The following ZPLD1 variants were observed in gnomAD, a reference collection of about 807,000 sequenced individuals.
The protein encoded by ZPLD1 is zona pellucida-like domain-containing protein 1.
Under a neutral mutation model 47.2 loss-of-function variants are expected in ZPLD1, and 34 were observed. The observed-to-expected ratio is 0.72, with a 90% CI of 0.55 to 0.96. The LOEUF (loss-of-function observed/expected upper bound fraction) is 0.96. Ranked by LOEUF, ZPLD1 falls within the 40% of genes least tolerant of loss-of-function variation. The probability of loss-of-function intolerance (pLI) is 0.00; values close to 1 mark genes in which losing one functional copy is unlikely to be tolerated. For synonymous variants in ZPLD1, 176 were observed against 186.2 expected, an observed-to-expected ratio of 0.95 and a Z score of 0.45; for missense variants, 512 against 505.8, an observed-to-expected ratio of 1.01 and a Z score of -0.12.
chr3:102,464,937 C>G (rs138915003), intron 8 of ZPLD1, among the ~76,000 whole-genome samples: 7 of 152,262 alleles, frequency 4.6e-5, no homozygotes, highest in African/African-American at 1.2e-4. Context: ...GCAATTGGCT[C>G]AGCTCACTGC....
intron 7 of ZPLD1, among the ~76,000 whole-genome samples, chr3:102,404,421 C>T (rs1384405261): frequency 1.3e-5 from 2 of 151,914 alleles, no homozygotes; most frequent in Non-Finnish European, 2.9e-5. Context: ...TCTGCCTTCA[C>T]CTAAACATTC....
At chr3:102,456,545 A>ATCTATC (rs1707417474) in intron 5 of ZPLD1, among the ~76,000 whole-genome samples, 171 bp downstream of exon 5, 117 of 147,144 alleles carry the variant, frequency 8.0e-4, no homozygotes, top group African/African-American at 2.8e-3. Flanking sequence ...TTTATCTATT[A>ATCTATC]TATCTATCTA....
intron 7 of ZPLD1, among the ~76,000 whole-genome samples, chr3:102,404,985 A>C (rs1441861571): frequency 6.6e-6 from 1 of 152,022 alleles, no homozygotes; most frequent in African/African-American, 2.4e-5. Flanking sequence ...AGTCCTTGAA[A>C]CAACAACATA....
intron 4 of ZPLD1, among the ~76,000 whole-genome samples, chr3:102,454,795 G>C (rs1195928707): frequency 6.6e-6 from 1 of 152,224 alleles, no homozygotes; most frequent in Non-Finnish European, 1.5e-5. Flanking sequence ...GGCGGAGGTT[G>C]CAGTGAGCCG....
At chr3:102,464,144 A>T (rs769499231) in intron 7 of ZPLD1, 27 bp from the exon 8 acceptor site, 1 of 1,532,510 alleles carries the variant, frequency 6.5e-7, no homozygotes, top group Non-Finnish European at 9.0e-7. Flanking sequence ...TTCTGACTCT[A>T]GATTATGTTT....
chr3:102,474,420 A>G (rs1174766132), intron 10 of ZPLD1, among the ~76,000 whole-genome samples: 1 of 152,050 alleles, frequency 6.6e-6, no homozygotes, highest in Non-Finnish European at 1.5e-5. Context: ...TGGGACTGGC[A>G]CTCGTCTAGG....
chr3:102,457,917 T>C, intron 6 of ZPLD1, 64 bp downstream of exon 6: 1 of 1,495,736 alleles, frequency 6.7e-7, no homozygotes, highest in Non-Finnish European at 9.3e-7. Context: ...TTTATGTGAA[T>C]GGCTTTTATA....
chr3:102,426,505 T>TGA (rs1185032243), intron 8 of ZPLD1, among the ~76,000 whole-genome samples: 1 of 146,574 alleles, frequency 6.8e-6, no homozygotes, highest in Admixed American at 6.8e-5. Context: ...GCAACAAGAG[T>TGA]GAAACTCCAT....
At chr3:102,395,339 G>A (rs1264905435) in intron 7 of ZPLD1, among the ~76,000 whole-genome samples, 1 of 151,998 alleles carries the variant, frequency 6.6e-6, no homozygotes, top group Non-Finnish European at 1.5e-5. Context: ...TCTTGACATA[G>A]GGAGATGATT....
chr3:102,442,471 T>A (rs1707195787), intron 3 of ZPLD1, among the ~76,000 whole-genome samples: 1 of 152,062 alleles, frequency 6.6e-6, no homozygotes, highest in African/African-American at 2.4e-5. Context: ...GACTTTATAT[T>A]TAGATGGGTA....
chr3:102,415,327 G>C (rs1706793491), intron 7 of ZPLD1, among the ~76,000 whole-genome samples: 1 of 151,786 alleles, frequency 6.6e-6, no homozygotes, highest in African/African-American at 2.4e-5. Flanking sequence ...AGTGATCTGG[G>C]CCAGGGTGGG....
rs747578732 is a variant in ZPLD1, at chr3:102,464,128, A to G, written c.681-43A>G. ...CTTGTATTAGTAACTAATATCCAAA[A>G]GGAAATTCTGACTCTAGATTATGTT... On this transcript the variant is annotated intron_variant, in intron 7 of 11. Transcript: ENST00000466937. The G allele has an allele frequency of 4.5e-5, 63 of 1,402,470 alleles. No homozygotes were observed. In the African/African-American group the frequency reaches 7.0e-4, roughly 16 times the overall value. The allele number at this position is 1,402,470 out of a possible 1,614,324, so 86.9% of individuals were successfully genotyped here.
At chr3:102,459,578 A>T (rs1372283262) in intron 6 of ZPLD1, among the ~76,000 whole-genome samples, 1 of 152,200 alleles carries the variant, frequency 6.6e-6, no homozygotes, top group East Asian at 1.9e-4. Flanking sequence ...GTAATGCTTA[A>T]AAAAGCCTAT....
At chr3:102,409,645 A>G (rs1406137730) in intron 7 of ZPLD1, among the ~76,000 whole-genome samples, 1 of 151,808 alleles carries the variant, frequency 6.6e-6, no homozygotes, top group Non-Finnish European at 1.5e-5. Context: ...TTGAGGAAGG[A>G]ACACCTCCTC....
At chr3:102,428,596 G>T (rs1219696555) in intron 8 of ZPLD1, among the ~76,000 whole-genome samples, 1 of 151,660 alleles carries the variant, frequency 6.6e-6, no homozygotes, top group African/African-American at 2.4e-5. Flanking sequence ...TACATTTTTA[G>T]TAGGGGCAGT....
chr3:102,418,627 C>T (rs946413159), intron 8 of ZPLD1, among the ~76,000 whole-genome samples: 28 of 151,996 alleles, frequency 1.8e-4, no homozygotes, highest in East Asian at 7.8e-4. Context: ...CTTTGCCAGC[C>T]GGCTACAGCT....
chr3:102,463,142 A>AT (rs901347227), intron 7 of ZPLD1, among the ~76,000 whole-genome samples: 7 of 151,964 alleles, frequency 4.6e-5, no homozygotes, highest in African/African-American at 7.2e-5. Flanking sequence ...ATGGATTAGT[A>AT]TTTTTTTTAT....
chr3:102,452,041 G>A (rs1707345076), intron 3 of ZPLD1, among the ~76,000 whole-genome samples: 1 of 151,498 alleles, frequency 6.6e-6, no homozygotes, highest in Non-Finnish European at 1.5e-5. Flanking sequence ...TTACCTACCA[G>A]CCACTCTCCC....
intron 7 of ZPLD1, among the ~76,000 whole-genome samples, chr3:102,462,645 G>A (rs1041604493): frequency 2.6e-5 from 4 of 151,952 alleles, no homozygotes; most frequent in Non-Finnish European, 2.9e-5. Context: ...CTGGGATGCC[G>A]AAATGTTGTA....
Sources: gnomAD v4.1 joint callset for allele counts (sites outside exome capture counted in the v4.1 genomes callset) on GRCh38, gnomAD v4.1.1 for gene constraint, MANE v1.5 for transcripts, NCBI Gene and HGNC (gene_info 2026-07-23, HGNC 2026-07-21) for gene names.